The following SYNPR variants were observed in gnomAD, a reference collection of about 807,000 sequenced individuals.
SYNPR encodes the protein synaptoporin.
A neutral mutation model predicts 32.9 loss-of-function variants in SYNPR; 23 were observed. That is an observed-to-expected ratio of 0.70 (90% CI 0.50 to 0.99). The LOEUF (loss-of-function observed/expected upper bound fraction) is 0.99. SYNPR is among the 50% of genes least tolerant of loss of function. The probability of loss-of-function intolerance (pLI) is 0.00; values close to 1 mark genes in which losing one functional copy is unlikely to be tolerated. For missense variants in SYNPR, 318 were observed against 349.3 expected (o/e 0.91, Z 0.71); for synonymous variants, 146 against 135.9 (o/e 1.07, Z -0.52).
At chr3:63,240,143 A>T (rs748538791) in intron 1 of SYNPR, among the ~76,000 whole-genome samples, 17 of 152,120 alleles carry the variant, frequency 1.1e-4, no homozygotes, top group Non-Finnish European at 2.4e-4. Flanking sequence ...TGAAAATATA[A>T]AACACATTAG....
At chr3:63,410,326 A>C (rs972106890) in intron 2 of SYNPR, among the ~76,000 whole-genome samples, 2 of 152,166 alleles carry the variant, frequency 1.3e-5, no homozygotes, top group Non-Finnish European at 2.9e-5. Flanking sequence ...GAGATTCCAG[A>C]GCTTATGCAC....
intron 2 of SYNPR, among the ~76,000 whole-genome samples, chr3:63,369,978 GT>G (rs987177843): frequency 2.6e-4 from 40 of 152,120 alleles, no homozygotes; most frequent in Non-Finnish European, 5.0e-4. Context: ...TGAAAAGAGG[GT>G]CATGAATGAA....
chr3:63,556,420 T>C (rs1575709046), intron 3 of SYNPR, 123 bp from the exon 4 acceptor site: 2 of 726,644 alleles, frequency 2.8e-6, no homozygotes, highest in South Asian at 2.2e-5. Flanking sequence ...ATGAATATGT[T>C]ACATAGGCAT....
At chr3:63,348,032 G>A (rs372602194) in intron 2 of SYNPR, among the ~76,000 whole-genome samples, 1 of 152,020 alleles carries the variant, frequency 6.6e-6, no homozygotes, top group East Asian at 1.9e-4. Context: ...CTGAGTACAG[G>A]TATCTTTTTG....
Position 63,445,705 on chromosome 3 carries a change from T to C in SYNPR, c.85-35127T>C, listed in dbSNP as rs964458036. ...TTTTACAGATGAGAAAATGGAGACA[T>C]AGGACAAGTATGTAACTTACTTGAG... On this transcript the variant is annotated intron_variant, in intron 2 of 5. Transcript: ENST00000478300. The C allele has an allele frequency of 6.1e-5, 32 of 525,304 alleles. 1 individual carries two copies. The Middle Eastern group carries it at 4.9e-3, about 81-fold the overall frequency. 32.5% of individuals were successfully genotyped at this position (525,304 alleles called of 1,614,324 possible). A position where few individuals can be genotyped will look rare whatever the true frequency, so the allele number is the denominator to read the frequency against.
chr3:63,240,549 A>G (rs2106880296), intron 1 of SYNPR, among the ~76,000 whole-genome samples: 1 of 152,194 alleles, frequency 6.6e-6, no homozygotes, highest in Non-Finnish European at 1.5e-5. Flanking sequence ...GTGTGGCAAT[A>G]TGTCTGGAGG....
At chr3:63,428,063 C>G (rs535762605) in intron 2 of SYNPR, among the ~76,000 whole-genome samples, 140 of 152,242 alleles carry the variant, frequency 9.2e-4, no homozygotes, top group African/African-American at 3.0e-3. Flanking sequence ...TATCTTTGAA[C>G]CAACAATTTC....
upstream of SYNPR, among the ~76,000 whole-genome samples, chr3:63,274,263 C>T (rs1476585394): frequency 6.6e-6 from 1 of 152,152 alleles, no homozygotes; most frequent in Non-Finnish European, 1.5e-5. Flanking sequence ...CCTATGAGAA[C>T]AAGATTTAAT....
chr3:63,524,897 GAA>G lies in SYNPR; in HGVS notation c.210-31645_210-31644del, dbSNP rs1701983372. On this transcript the variant is annotated intron_variant, in intron 3 of 5. Transcript: ENST00000478300. ...AGAGAGAGAGAGAGAGAGAGAGAGA[GAA>G]GTCAGCTCATCTTTAATTGAATGTG... Among the ~76,000 whole-genome samples the G allele has an allele frequency of 2.7e-5, 4 of 147,958 alleles. No individual in the cohort carries two copies. The South Asian group carries it at 8.6e-4, about 32-fold the overall frequency.
intron 2 of SYNPR, among the ~76,000 whole-genome samples, chr3:63,356,742 T>A (rs976435444): frequency 6.6e-6 from 1 of 152,258 alleles, no homozygotes; most frequent in African/African-American, 2.4e-5. Flanking sequence ...ACTCAGTTAA[T>A]GTTTATTGAA....
rs192728548 is a variant in SYNPR at position 63,601,877 on chromosome 3, T to C, written c.409-7248T>C. 1.1e-4 allele frequency among the ~76,000 whole-genome samples: 17 copies of C among 152,318 alleles called. No homozygotes were observed. In the East Asian group the frequency reaches 2.1e-3, roughly 19 times the overall value. ...ATGAGATTGCTGGGTTGAATGGTAG[T>C]TCTGTTTTTAGCTCTTTGAGGAATC... On this transcript the variant is annotated intron_variant, in intron 4 of 5. Transcript: ENST00000478300.
Position 63,557,624 on chromosome 3 carries a change from C to T in SYNPR, c.408+883C>T, listed in dbSNP as rs545045071. On this transcript the variant is annotated intron_variant, in intron 4 of 5. Transcript: ENST00000478300. ...TTTTGGCTTTCAATAAAATTAAAAA[C>T]TCTAATATGCTTATCAGTTGATTGA... Among the ~76,000 whole-genome samples the T allele has an allele frequency of 3.3e-5, 5 of 152,190 alleles. No homozygotes were observed. The South Asian group carries it at 6.2e-4, about 19-fold the overall frequency.
At chr3:63,379,063 T>G (rs114872588) in intron 2 of SYNPR, among the ~76,000 whole-genome samples, 2,319 of 152,308 alleles carry the variant, frequency 0.015, 29 homozygotes, top group African/African-American at 0.037. Flanking sequence ...AAATCATAAA[T>G]GTAGCATGCA....
upstream of SYNPR, among the ~76,000 whole-genome samples, chr3:63,225,054 AG>A (rs1331348314): frequency 6.6e-6 from 1 of 152,182 alleles, no homozygotes; most frequent in African/African-American, 2.4e-5. Flanking sequence ...CTTTTGCTTA[AG>A]GAGACTCTCG....
rs190130022 is a variant in SYNPR, at chr3:63,264,301, A to T, written n.155-3016A>T. ...GAAGAAGCTCAGTAATCTGCCAAAG[A>T]AACAGTGAAAAGATTAGCAGATCGG... On this transcript the variant is annotated intron_variant and non_coding_transcript_variant, in intron 2 of 4. Transcript: ENST00000478456. Among the ~76,000 whole-genome samples the T allele has an allele frequency of 1.3e-3, 201 of 152,350 alleles. 1 individual carries two copies. Among genetic ancestry groups the T allele is most frequent in the African/African-American group, 4.7e-3 (197 of 41,590 alleles).
In SYNPR at chr3:63,533,894, C is replaced by G. The variant is rs564965320; in HGVS notation, c.210-22649C>G. Among the ~76,000 whole-genome samples, 10 of 152,198 alleles carry G rather than the reference C, an allele frequency of 6.6e-5. No individual in the cohort carries two copies. The South Asian group carries it at 2.1e-3, about 32-fold the overall frequency. ...CAAAAGGAAATCAAGGTGCCATTAA[C>G]AAAAGAAGAGAGATTGAGTGTTTTG... On this transcript the variant is annotated intron_variant, in intron 3 of 5. Transcript: ENST00000478300.
intron 4 of SYNPR, among the ~76,000 whole-genome samples, chr3:63,563,526 T>G (rs1474416744): frequency 6.6e-6 from 1 of 152,094 alleles, no homozygotes; most frequent in Non-Finnish European, 1.5e-5. Flanking sequence ...CTTCTCCCCT[T>G]CCCTCTCTCC....
chr3:63,340,302 A>G (rs1489419408), intron 2 of SYNPR, among the ~76,000 whole-genome samples: 2 of 151,528 alleles, frequency 1.3e-5, no homozygotes, highest in Non-Finnish European at 2.9e-5. Flanking sequence ...TGGCCATAAG[A>G]TTTTTTTTCT....
chr3:63,578,709 G>T (rs13316611), intron 4 of SYNPR, among the ~76,000 whole-genome samples: 43,641 of 151,990 alleles, frequency 0.29, 6,960 homozygotes, highest in African/African-American at 0.42. Flanking sequence ...GACAGTGGTA[G>T]TTTTTTCTTC....
Sources: allele counts gnomAD v4.1 joint callset (sites outside exome capture counted in the v4.1 genomes callset), GRCh38; gene constraint gnomAD v4.1.1; transcripts MANE v1.5; gene names NCBI Gene and HGNC (gene_info 2026-07-23, HGNC 2026-07-21).